NRXN1: variants seen among roughly 807,000 people sequenced by gnomAD.
NRXN1 encodes the protein neurexin-1.
Under a neutral mutation model 150.9 loss-of-function variants are expected in NRXN1, and 39 were observed. That is an observed-to-expected ratio of 0.26 (90% CI 0.20 to 0.34). The LOEUF (loss-of-function observed/expected upper bound fraction) is 0.34. NRXN1 is among the 10% of genes least tolerant of loss of function. The probability of loss-of-function intolerance (pLI) is 1.00; values close to 1 mark genes in which losing one functional copy is unlikely to be tolerated. For synonymous variants in NRXN1, 924 were observed against 757.0 expected (o/e 1.22, Z -3.62); for missense variants, 1,815 against 1,949.9 (o/e 0.93, Z 1.30).
chr2:50,164,692 C>A (rs900679407), intron 18 of NRXN1, among the ~76,000 whole-genome samples: 1 of 152,136 alleles, frequency 6.6e-6, no homozygotes, highest in African/African-American at 2.4e-5. Flanking sequence ...TAGCAACCCC[C>A]ACCGCCTAAT....
chr2:49,974,177 C>G, intron 21 of NRXN1: 1 of 709,780 alleles, frequency 1.4e-6, no homozygotes, highest in Middle Eastern at 2.3e-4. Context: ...GCCCTGCACA[C>G]AGATGGGCGA....
At chr2:50,781,004 T>C (rs1704282210) in intron 5 of NRXN1, among the ~76,000 whole-genome samples, 1 of 152,238 alleles carries the variant, frequency 6.6e-6, no homozygotes, top group Non-Finnish European at 1.5e-5. Context: ...CAAGTTAACC[T>C]GCTGCAGTTT....
At chr2:50,247,116 A>G (rs1001354697) in intron 17 of NRXN1, among the ~76,000 whole-genome samples, 3 of 152,092 alleles carry the variant, frequency 2.0e-5, no homozygotes, top group African/African-American at 4.8e-5. Flanking sequence ...CTGCAGCTAT[A>G]TAAGAAATTG....
At chr2:50,219,972 TATA>T (rs1559115939) in intron 18 of NRXN1, among the ~76,000 whole-genome samples, 4 of 50,612 alleles carry the variant, frequency 7.9e-5, no homozygotes, top group South Asian at 8.2e-4. Context: ...ATTATATATA[TATA>T]ATATATATAT....
intron 17 of NRXN1, among the ~76,000 whole-genome samples, chr2:50,259,938 G>A (rs137936584): frequency 1.1e-3 from 171 of 151,854 alleles, no homozygotes; most frequent in African/African-American, 4.0e-3. Context: ...CTAGTGTAAC[G>A]CGGGCTTAGG....
intron 5 of NRXN1, among the ~76,000 whole-genome samples, chr2:50,855,991 C>T (rs891540237): frequency 1.3e-5 from 2 of 149,844 alleles, no homozygotes; most frequent in African/African-American, 4.9e-5. Context: ...AGAAAGACAA[C>T]ATCATATGCA....
chr2:50,087,688 T>C (rs1367791832), intron 19 of NRXN1, among the ~76,000 whole-genome samples: 1 of 152,146 alleles, frequency 6.6e-6, no homozygotes, highest in Non-Finnish European at 1.5e-5. Flanking sequence ...TAATGGATAC[T>C]AGGTCTTCTA....
chr2:50,798,662 T>C (rs1039666464), intron 5 of NRXN1, among the ~76,000 whole-genome samples: 39 of 152,112 alleles, frequency 2.6e-4, no homozygotes, highest in African/African-American at 8.9e-4. Flanking sequence ...TCTGTACAAA[T>C]GGGTAAAGAA....
intron 12 of NRXN1, among the ~76,000 whole-genome samples, chr2:50,514,987 C>T (rs984986479): frequency 2.0e-5 from 3 of 152,090 alleles, no homozygotes; most frequent in Non-Finnish European, 4.4e-5. Context: ...CCCGGGCTCC[C>T]CACCCCCCAG....
At chr2:50,793,079 G>A (rs780852702) in intron 5 of NRXN1, among the ~76,000 whole-genome samples, 32 of 152,020 alleles carry the variant, frequency 2.1e-4, no homozygotes, top group Non-Finnish European at 3.5e-4. Flanking sequence ...TCTTTCCACC[G>A]AGTGTAAGTA....
intron 5 of NRXN1, among the ~76,000 whole-genome samples, chr2:50,881,248 C>T (rs374771210): frequency 6.6e-6 from 1 of 151,868 alleles, no homozygotes; most frequent in African/African-American, 2.4e-5. Context: ...GCTTCATCTT[C>T]CTGTTTTCTT....
intron 5 of NRXN1, among the ~76,000 whole-genome samples, chr2:50,881,305 T>C (rs750972667): frequency 6.6e-6 from 1 of 151,932 alleles, no homozygotes; most frequent in African/African-American, 2.4e-5. Flanking sequence ...GGGTATTTGA[T>C]GCTAATGTAC....
intron 17 of NRXN1, among the ~76,000 whole-genome samples, chr2:50,345,875 A>G (rs1336616625): frequency 6.6e-6 from 1 of 152,214 alleles, no homozygotes; most frequent in Non-Finnish European, 1.5e-5. Context: ...AGGAGGAAGT[A>G]AGACCTCCCT....
chr2:50,730,479 G>A (rs1408262219), intron 5 of NRXN1, among the ~76,000 whole-genome samples: 1 of 152,056 alleles, frequency 6.6e-6, no homozygotes, highest in Non-Finnish European at 1.5e-5. Context: ...GTCAATGAGA[G>A]GATCAGAGCT....
At chr2:50,767,050 G>A (rs1247782085) in intron 5 of NRXN1, among the ~76,000 whole-genome samples, 2 of 151,948 alleles carry the variant, frequency 1.3e-5, no homozygotes, top group African/African-American at 2.4e-5. Flanking sequence ...TGAGAATTTC[G>A]GCAAATAAGT....
chr2:50,898,503 T>C (rs1318406570), intron 5 of NRXN1: 2 of 398,898 alleles, frequency 5.0e-6, no homozygotes, highest in Non-Finnish European at 9.8e-6. Context: ...CCAATAATTA[T>C]AACACATTTT....
rs372823663 is a variant in NRXN1, at chr2:50,552,820, C to T, written c.1526G>A (p.Arg509His). 5.0e-6 allele frequency: 8 copies of T among 1,613,706 alleles called. No individual in the cohort carries two copies. The highest frequency in any genetic ancestry group is 1.3e-5 in the African/African-American group (1 of 74,878). The part of the protein sequence containing the change: ...KKTGSISFDF[R>H]TTEPNGLILF... ...GATGAGGCCATTTGGCTCTGTTGTA[C>T]GGAAATCAAATGATATGGAGCCAGT... Residue 509 changes from arginine to histidine, a missense_variant, in exon 9 of 23, where the codon CGT becomes CAT. Physicochemically the swap from Arg to His is conservative, Grantham distance 29. Coordinates refer to ENST00000401669, the MANE Select transcript of NRXN1 (RefSeq NM_001330078.2).
intron 18 of NRXN1, among the ~76,000 whole-genome samples, chr2:50,110,999 C>CT (rs1282983395): frequency 2.0e-5 from 3 of 152,110 alleles, no homozygotes; most frequent in Admixed American, 6.5e-5. Context: ...TTATTTTCAT[C>CT]TTTTTTATTT....
At chr2:50,976,924 A>C (rs1695935877) in intron 2 of NRXN1, among the ~76,000 whole-genome samples, 1 of 152,054 alleles carries the variant, frequency 6.6e-6, no homozygotes, top group Admixed American at 6.6e-5. Flanking sequence ...AATTGAAAAC[A>C]ATGATCATCA....
Sources: allele counts gnomAD v4.1 joint callset (sites outside exome capture counted in the v4.1 genomes callset), GRCh38; gene constraint gnomAD v4.1.1; transcripts MANE v1.5; gene names NCBI Gene and HGNC (gene_info 2026-07-23, HGNC 2026-07-21).